The following SLC26A7 variants were observed in gnomAD, a reference collection of about 807,000 sequenced individuals.
SLC26A7 encodes anion exchange transporter.
Under a neutral mutation model 82.5 loss-of-function variants are expected in SLC26A7, and 59 were observed. The ratio of observed to expected loss-of-function variants is 0.72; its 90% CI spans 0.58 to 0.89. The LOEUF (loss-of-function observed/expected upper bound fraction) is 0.89. SLC26A7 is among the 40% of genes least tolerant of loss of function. SLC26A7 has a pLI of 0.00. For missense variants in SLC26A7, 820 were observed against 793.0 expected (o/e 1.03, Z -0.41); for synonymous variants, 271 against 274.3 (o/e 0.99, Z 0.12).
intron 2 of SLC26A7, among the ~76,000 whole-genome samples, chr8:91,224,883 G>A (rs1336082470): frequency 6.6e-6 from 1 of 152,174 alleles, no homozygotes; most frequent in East Asian, 1.9e-4. Flanking sequence ...GCCTCTGGCT[G>A]GAGTTATTGG....
intron 2 of SLC26A7, among the ~76,000 whole-genome samples, chr8:91,281,401 A>G (rs1014422765): frequency 1.3e-5 from 2 of 152,188 alleles, no homozygotes. Context: ...TGATACAGGC[A>G]TTGAAATTAC....
chr8:91,384,790 GGA>G (rs2130899316), intron 15 of SLC26A7, among the ~76,000 whole-genome samples: 4 of 147,332 alleles, frequency 2.7e-5, no homozygotes, highest in African/African-American at 1.0e-4. Flanking sequence ...AAGGAAGGAA[GGA>G]AGGAAAGAAG....
chr8:91,390,465 T>C (rs1195624592), intron 16 of SLC26A7, among the ~76,000 whole-genome samples: 1 of 152,072 alleles, frequency 6.6e-6, no homozygotes, highest in Non-Finnish European at 1.5e-5. Flanking sequence ...TATTTCTTTT[T>C]GTTCTTTCCC....
chr8:91,327,893 A>G (rs1055482610), intron 5 of SLC26A7, among the ~76,000 whole-genome samples: 2 of 152,114 alleles, frequency 1.3e-5, no homozygotes, highest in Non-Finnish European at 2.9e-5. Flanking sequence ...TGGTCCCTTT[A>G]TGGATAATTC....
intron 15 of SLC26A7, among the ~76,000 whole-genome samples, chr8:91,371,137 G>A (rs1814348395): frequency 6.6e-6 from 1 of 151,788 alleles, no homozygotes. Flanking sequence ...GAATGAAATA[G>A]CATTATACAT....
At chr8:91,230,326 C>G (rs1810294892) in intron 2 of SLC26A7, among the ~76,000 whole-genome samples, 1 of 152,216 alleles carries the variant, frequency 6.6e-6, no homozygotes, top group Non-Finnish European at 1.5e-5. Context: ...CTTGACATCT[C>G]TCACAGGCAC....
intron 16 of SLC26A7, among the ~76,000 whole-genome samples, chr8:91,390,405 CCTT>C (rs1028259694): frequency 1.3e-4 from 20 of 152,188 alleles, no homozygotes; most frequent in African/African-American, 4.8e-4. Flanking sequence ...GCGTGAACCT[CCTT>C]CTTTTTTTAG....
At chr8:91,299,079 T>C (rs1812091761) in intron 4 of SLC26A7, among the ~76,000 whole-genome samples, 1 of 152,182 alleles carries the variant, frequency 6.6e-6, no homozygotes, top group Non-Finnish European at 1.5e-5. Flanking sequence ...TTCAACATCT[T>C]TTCATATGTT....
At chr8:91,319,659 T>C (rs1332222311) in intron 5 of SLC26A7, among the ~76,000 whole-genome samples, 1 of 152,202 alleles carries the variant, frequency 6.6e-6, no homozygotes, top group African/African-American at 2.4e-5. Context: ...GTCAGGTGAC[T>C]GGTTGAAAGT....
chr8:91,302,818 C>CTCTTTT (rs1190697966), intron 4 of SLC26A7, among the ~76,000 whole-genome samples: 2 of 129,638 alleles, frequency 1.5e-5, no homozygotes, highest in African/African-American at 5.8e-5. Context: ...TTCCCCTTCT[C>CTCTTTT]TTTTTTTTTT....
At chr8:91,220,992 G>A (rs1453459383) in intron 2 of SLC26A7, among the ~76,000 whole-genome samples, 1 of 152,180 alleles carries the variant, frequency 6.6e-6, no homozygotes, top group Non-Finnish European at 1.5e-5. Flanking sequence ...CACCAACAGT[G>A]TAAAAGCATT....
chr8:91,263,417 T>G (rs993094226), intron 2 of SLC26A7, among the ~76,000 whole-genome samples: 1 of 152,086 alleles, frequency 6.6e-6, no homozygotes, highest in African/African-American at 2.4e-5. Context: ...TTTAGAAAAC[T>G]GAATAGGGAA....
At chr8:91,256,174 C>T (rs1346304244) in intron 2 of SLC26A7, among the ~76,000 whole-genome samples, 1 of 152,128 alleles carries the variant, frequency 6.6e-6, no homozygotes, top group African/African-American at 2.4e-5. Flanking sequence ...CCATATCTAG[C>T]AACGAAACCA....
At chr8:91,233,928 G>C (rs1810349882) in intron 2 of SLC26A7, among the ~76,000 whole-genome samples, 1 of 152,120 alleles carries the variant, frequency 6.6e-6, no homozygotes, top group Non-Finnish European at 1.5e-5. Context: ...CCTTCACTCT[G>C]TCCTTGGGCT....
intron 9 of SLC26A7, among the ~76,000 whole-genome samples, chr8:91,344,448 CA>C (rs1305071426): frequency 6.6e-6 from 1 of 152,144 alleles, no homozygotes; most frequent in African/African-American, 2.4e-5. Flanking sequence ...ACTTTTAAAA[CA>C]CTATTTGGGC....
At position 91,312,661 on chromosome 8, in the gene SLC26A7, G is replaced by C. The variant is rs944921341; in HGVS notation, c.478-5555G>C. ...TGTGTCTGTGTGTGTGTGTGTGTGT[G>C]TGTGTGTGTGTGTTTGATAGTAGTC... On this transcript the variant is annotated intron_variant, in intron 4 of 18. Transcript: ENST00000276609. Among the ~76,000 whole-genome samples, 4 of 151,956 alleles carry C rather than the reference G, an allele frequency of 2.6e-5. No homozygotes were observed. The East Asian group carries it at 7.7e-4, about 29-fold the overall frequency.
intron 5 of SLC26A7, among the ~76,000 whole-genome samples, chr8:91,330,076 A>G (rs1186715705): frequency 6.6e-6 from 1 of 152,162 alleles, no homozygotes; most frequent in Non-Finnish European, 1.5e-5. Flanking sequence ...TGAAAAAGAT[A>G]AAAAGCAAAG....
At chr8:91,341,766 G>T (rs754468252) in intron 8 of SLC26A7, among the ~76,000 whole-genome samples, 1 of 151,798 alleles carries the variant, frequency 6.6e-6, no homozygotes, top group Non-Finnish European at 1.5e-5. Context: ...TTTCCTCTTT[G>T]GTCTCATACC....
At chr8:91,209,795 G>T (rs1194323787) in intron 1 of SLC26A7, among the ~76,000 whole-genome samples, 2 of 152,138 alleles carry the variant, frequency 1.3e-5, no homozygotes, top group African/African-American at 4.8e-5. Flanking sequence ...CATGTTAAGG[G>T]AATGAGTAAG....
Sources: allele counts gnomAD v4.1 joint callset (sites outside exome capture counted in the v4.1 genomes callset), GRCh38; gene constraint gnomAD v4.1.1; transcripts MANE v1.5; gene names NCBI Gene and HGNC (gene_info 2026-07-23, HGNC 2026-07-21).